ITPR1: variants seen among roughly 807,000 people sequenced by gnomAD.
The protein encoded by ITPR1 is inositol 1,4,5-trisphosphate receptor type 1, also known as inositol 1,4,5-trisphosphate-gated calcium channel ITPR1.
In ITPR1, 96 loss-of-function variants were observed where a neutral mutation model predicts 318.4. That is an observed-to-expected ratio of 0.30 (90% CI 0.26 to 0.36). The LOEUF (loss-of-function observed/expected upper bound fraction) is 0.36, where lower values mean the gene tolerates loss of function less well. Ranked by LOEUF, ITPR1 falls within the 10% of genes least tolerant of loss-of-function variation. ITPR1 has a pLI of 1.00. For synonymous variants in ITPR1, 1,312 were observed against 1,289.9 expected (o/e 1.02, Z -0.37); for missense variants, 2,440 against 3,460.2 (o/e 0.71, Z 7.40).
At chr3:4,620,591 T>C (rs1334189484) in intron 4 of ITPR1, among the ~76,000 whole-genome samples, 2 of 152,110 alleles carry the variant, frequency 1.3e-5, no homozygotes, top group African/African-American at 4.8e-5. Context: ...CTCCATCCTC[T>C]TTCCATCTTT....
chr3:4,759,761 GA>G (rs928928787), intron 44 of ITPR1, among the ~76,000 whole-genome samples: 16 of 152,322 alleles, frequency 1.1e-4, no homozygotes, highest in African/African-American at 3.6e-4. Flanking sequence ...AAGGCATTTG[GA>G]AACTGCTGGA....
intron 50 of ITPR1, among the ~76,000 whole-genome samples, chr3:4,783,265 C>A (rs1332254402): frequency 1.3e-5 from 2 of 152,082 alleles, no homozygotes; most frequent in East Asian, 3.9e-4. Flanking sequence ...GAGCCTTTCT[C>A]TTTTTGGATG....
At chr3:4,619,597 CCTGCT>C (rs2092525103) in intron 4 of ITPR1, among the ~76,000 whole-genome samples, 1 of 71,264 alleles carries the variant, frequency 1.4e-5, no homozygotes, top group African/African-American at 7.0e-5. Flanking sequence ...CCTGCCCTCC[CCTGCT>C]CTCCTCTGCC....
intron 20 of ITPR1, among the ~76,000 whole-genome samples, chr3:4,672,250 C>T (rs192933088): frequency 7.9e-5 from 12 of 152,354 alleles, no homozygotes; most frequent in Admixed American, 7.2e-4. Context: ...TCAGTGTACA[C>T]ACCCACCAGT....
At position 4,498,459 on chromosome 3, in the gene ITPR1, G is replaced by A. The variant is rs149269465; in HGVS notation, c.-17+3953G>A. ...GGGGAGAGTGCTAGGAGTTCAGGAGGGAGAGGGAGTCAAGGTCCAGACCTG... is the reference window on the plus strand; with the variant it reads ...GGGGAGAGTGCTAGGAGTTCAGGAGAGAGAGGGAGTCAAGGTCCAGACCTG... On this transcript the variant is annotated intron_variant, in intron 2 of 61. Coordinates refer to ENST00000649015, the MANE Select transcript of ITPR1 (RefSeq NM_001378452.1). Among the ~76,000 whole-genome samples, 420 of 152,302 alleles carry A rather than the reference G, an allele frequency of 2.8e-3. 1 individual carries two copies. The highest frequency in any genetic ancestry group is 8.1e-3 in the South Asian group (39 of 4,828).
chr3:4,765,299 AAAG>A (rs1317512853), intron 44 of ITPR1, among the ~76,000 whole-genome samples: 2 of 152,180 alleles, frequency 1.3e-5, no homozygotes, highest in African/African-American at 4.8e-5. Context: ...AACCAGAGGT[AAAG>A]AAGAACAGTT....
At position 4,564,003 on chromosome 3, in the gene ITPR1, G is replaced by A. The variant is rs140073267; in HGVS notation, c.163+42909G>A. Among the ~76,000 whole-genome samples the A allele has an allele frequency of 4.6e-5, 7 of 151,686 alleles. No individual in the cohort carries two copies. The East Asian group carries it at 5.8e-4, about 13-fold the overall frequency. On this transcript the variant is annotated intron_variant, in intron 4 of 61. Coordinates refer to ENST00000649015, the MANE Select transcript of ITPR1 (RefSeq NM_001378452.1). ...GTCACCCAGACTGGAGTGTAGTGGC[G>A]CGATCTTGGCTCACTGCAACCTCCA...
chr3:4,686,779 T>G (rs1030655221), intron 30 of ITPR1, among the ~76,000 whole-genome samples: 7 of 152,142 alleles, frequency 4.6e-5, no homozygotes, highest in African/African-American at 1.7e-4. Flanking sequence ...ACCACAAGGG[T>G]TCTTCACTTA....
chr3:4,557,954 A>G (rs1448777110), intron 4 of ITPR1, among the ~76,000 whole-genome samples: 4 of 152,238 alleles, frequency 2.6e-5, no homozygotes, highest in African/African-American at 9.6e-5. Context: ...TTACATCCAC[A>G]TAAGCTGCTT....
intron 60 of ITPR1, among the ~76,000 whole-genome samples, chr3:4,821,877 A>C (rs1218149649): frequency 6.6e-6 from 1 of 152,220 alleles, no homozygotes; most frequent in African/African-American, 2.4e-5. Context: ...CTGTTCACCC[A>C]CAAGTTAATC....
intron 4 of ITPR1, among the ~76,000 whole-genome samples, chr3:4,567,692 C>T (rs1436945133): frequency 6.6e-6 from 1 of 152,052 alleles, no homozygotes; most frequent in Non-Finnish European, 1.5e-5. Context: ...GCAACCTCCT[C>T]CTGGGCTCAA....
chr3:4,831,440 T>C (rs184272633), intron 60 of ITPR1: 2 of 167,348 alleles, frequency 1.2e-5, no homozygotes, highest in Non-Finnish European at 2.6e-5. Flanking sequence ...GACATCGGTA[T>C]GTGAGATGCC....
chr3:4,741,899 C>G (rs1319221521), intron 44 of ITPR1, among the ~76,000 whole-genome samples: 1 of 152,118 alleles, frequency 6.6e-6, no homozygotes, highest in Non-Finnish European at 1.5e-5. Context: ...CAGGTTTTAT[C>G]CATGTGGGAA....
At position 4,710,543 on chromosome 3, in the gene ITPR1, G is replaced by T. The variant is rs770541358; in HGVS notation, c.4991+70G>T. ...ATGACCTCACAAAGCTTTTGTTCCCGAAGAAGGAGACGTTGTCCTGTTTTT... is the reference window on the plus strand; with the variant it reads ...ATGACCTCACAAAGCTTTTGTTCCCTAAGAAGGAGACGTTGTCCTGTTTTT... On this transcript the variant is annotated intron_variant, in intron 38 of 61. Transcript: ENST00000649015. The surrounding 1 kb of genome is among the most constrained non-coding windows in gnomAD (Gnocchi z 4.2). 2.1e-6 allele frequency: 3 copies of T among 1,452,094 alleles called. No homozygotes were observed. The highest frequency in any genetic ancestry group is 5.0e-5 in the East Asian group (2 of 39,912). The allele number at this position is 1,452,094 out of a possible 1,614,324, so 90.0% of individuals were successfully genotyped here. A position where few individuals can be genotyped will look rare whatever the true frequency, so the allele number is the denominator to read the frequency against.
chr3:4,707,427 G>A (rs143134198), intron 37 of ITPR1, among the ~76,000 whole-genome samples: 26 of 152,334 alleles, frequency 1.7e-4, no homozygotes, highest in African/African-American at 5.1e-4. Flanking sequence ...TCTCCATATA[G>A]CCTGGGCTTC....
At chr3:4,587,137 G>C (rs1369613799) in intron 4 of ITPR1, among the ~76,000 whole-genome samples, 2 of 152,158 alleles carry the variant, frequency 1.3e-5, no homozygotes, top group African/African-American at 4.8e-5. Context: ...CTCAAACTTT[G>C]CAGGTGTACT....
At chr3:4,697,948 G>A (rs1239478305) in intron 34 of ITPR1, among the ~76,000 whole-genome samples, 1 of 152,118 alleles carries the variant, frequency 6.6e-6, no homozygotes, top group Non-Finnish European at 1.5e-5. Flanking sequence ...CCCTGAGCTT[G>A]AGCATTTGTC....
intron 5 of ITPR1, among the ~76,000 whole-genome samples, chr3:4,633,163 C>A (rs1051710259): frequency 6.6e-6 from 1 of 152,072 alleles, no homozygotes; most frequent in East Asian, 1.9e-4. Context: ...GTCTCGATCT[C>A]CTGAACTCAT....
At chr3:4,617,740 T>C (rs556803215) in intron 4 of ITPR1, among the ~76,000 whole-genome samples, 2 of 152,196 alleles carry the variant, frequency 1.3e-5, no homozygotes, top group South Asian at 4.1e-4. Flanking sequence ...TCCCAGCACT[T>C]TGGGAGGCCA....
Sources: gnomAD v4.1 joint callset for allele counts (sites outside exome capture counted in the v4.1 genomes callset) on GRCh38, gnomAD v4.1.1 for gene constraint, Gnocchi (gnomAD v3.1) non-coding constraint, MANE v1.5 for transcripts, NCBI Gene and HGNC (gene_info 2026-07-23, HGNC 2026-07-21) for gene names.